The following CRTAC1 variants were observed in gnomAD, a reference collection of about 807,000 sequenced individuals.
CRTAC1 encodes the protein acidic secreted protein in cartilage.
In CRTAC1, 37 loss-of-function variants were observed where a neutral mutation model predicts 67.8. That is an observed-to-expected ratio of 0.55 (90% CI 0.42 to 0.72). CRTAC1 has a LOEUF of 0.72. Among genes scored for constraint, CRTAC1 ranks in the 30% least tolerant of loss-of-function variants. The pLI is 0.00. For missense variants in CRTAC1, 780 were observed against 931.6 expected (o/e 0.84, Z 2.12); for synonymous variants, 348 against 371.0 (o/e 0.94, Z 0.71).
rs71007374 is a variant in CRTAC1, at chr10:98,029,491, A to AGCGGCGGCGGCGGCGGCGGCG, written c.24+937_24+957dup. Among the ~76,000 whole-genome samples, 6,366 of 140,366 alleles carry AGCGGCGGCGGCGGCGGCGGCG rather than the reference A, an allele frequency of 0.045. 241 individuals are homozygous for AGCGGCGGCGGCGGCGGCGGCG. Among genetic ancestry groups the AGCGGCGGCGGCGGCGGCGGCG allele is most frequent in the Non-Finnish European group, 0.072 (4,681 of 65,414 alleles). The allele number at this position is 140,366 out of a possible 152,430, so 92.1% of individuals were successfully genotyped here. On this transcript the variant is annotated intron_variant, in intron 1 of 14. Coordinates refer to ENST00000370597, the MANE Select transcript of CRTAC1 (RefSeq NM_018058.7). This position sits in a 1 kb window ranked among gnomAD's most constrained non-coding sequence, Gnocchi z 4.7. ...ACTGGGTGCACCCACCAGCAGCAGC[A>AGCGGCGGCGGCGGCGGCGGCG]GCGGCGGCGGCGGCGGCGGCGGCGG...
At chr10:97,973,630 G>A (rs1179708046) in intron 2 of CRTAC1, among the ~76,000 whole-genome samples, 1 of 152,018 alleles carries the variant, frequency 6.6e-6, no homozygotes, top group African/African-American at 2.4e-5. Flanking sequence ...TCTAGGGAAC[G>A]CTTCCCAGCC....
At chr10:97,887,415 G>T (rs1475880587) in intron 11 of CRTAC1, among the ~76,000 whole-genome samples, 1 of 151,992 alleles carries the variant, frequency 6.6e-6, no homozygotes, top group East Asian at 1.9e-4. Flanking sequence ...GGCTAATTTT[G>T]TATTTTTAGT....
chr10:97,959,507 A>T (rs141755903), intron 2 of CRTAC1, among the ~76,000 whole-genome samples: 1 of 152,218 alleles, frequency 6.6e-6, no homozygotes, highest in Non-Finnish European at 1.5e-5. Flanking sequence ...TGGGCTGTAC[A>T]GGGCCTTGAG....
chr10:97,978,080 C>T (rs1219563850), intron 2 of CRTAC1, among the ~76,000 whole-genome samples: 1 of 152,204 alleles, frequency 6.6e-6, no homozygotes, highest in Non-Finnish European at 1.5e-5. Flanking sequence ...GAAATAATCA[C>T]CAGCCCCTCA....
In CRTAC1 at chr10:97,884,330, A is replaced by G; in HGVS notation, c.1508T>C (p.Val503Ala). ...FGLGKDEASSVEVTWPDGKMV... is the reference protein window; with the variant it reads ...FGLGKDEASSAEVTWPDGKMV... ...CTTGCCATCTGGCCACGTCACCTCC[A>G]CACTGCTGGCTTCATCCTTCCCTGA... is the stretch of plus-strand genomic sequence containing the variant. Residue 503 changes from valine (V) to alanine (A), a missense_variant, in exon 12 of 15, where the codon GTG becomes GCG. Transcript: ENST00000370597. 1 of 1,551,740 alleles carries G rather than the reference A, an allele frequency of 6.4e-7. No homozygotes were observed.
At chr10:97,866,452 G>A (rs2136522034) in intron 14 of CRTAC1, 1 of 152,360 alleles carries the variant, frequency 6.6e-6, no homozygotes. Context: ...AAGAGACATA[G>A]CCATGCGGGG....
At chr10:98,012,442 G>T (rs375825884) in intron 1 of CRTAC1, among the ~76,000 whole-genome samples, 1 of 152,178 alleles carries the variant, frequency 6.6e-6, no homozygotes, top group Non-Finnish European at 1.5e-5. Flanking sequence ...GTCCACAAAG[G>T]CTGCATGGGT....
intron 11 of CRTAC1, among the ~76,000 whole-genome samples, chr10:97,893,196 ATATT>A (rs1326572468): frequency 3.9e-5 from 6 of 152,238 alleles, no homozygotes; most frequent in Admixed American, 3.9e-4. Flanking sequence ...GAGAGTTACT[ATATT>A]AATCCAGCCA....
Position 97,900,765 on chromosome 10 carries a change from C to T in CRTAC1, c.1133+738G>A, listed in dbSNP as rs758083723. On this transcript the variant is annotated intron_variant, in intron 8 of 14. Coordinates refer to ENST00000370597, the MANE Select transcript of CRTAC1 (RefSeq NM_018058.7). ...CCTTTTCCTGGTAGTGATTGGAGCC[C>T]GTAGCCCCTTTTCCTGGTAGTGATT... Among the ~76,000 whole-genome samples, 665 of 72,376 alleles carry T rather than the reference C, an allele frequency of 9.2e-3. 1 individual carries two copies. The highest frequency in any genetic ancestry group is 0.027 in the Middle Eastern group (3 of 112). The allele number at this position is 72,376 out of a possible 152,430, so 47.5% of individuals were successfully genotyped here.
chr10:98,023,139 C>T (rs553995763), intron 1 of CRTAC1, among the ~76,000 whole-genome samples: 5 of 151,898 alleles, frequency 3.3e-5, no homozygotes, highest in African/African-American at 9.7e-5. Context: ...GGGAAGGGGG[C>T]GGGAAGGAGA....
At chr10:97,866,187 G>A (rs1317851649) in intron 14 of CRTAC1, 1 of 156,962 alleles carries the variant, frequency 6.4e-6, no homozygotes, top group East Asian at 1.9e-4. Flanking sequence ...GCCCCTGCAG[G>A]GCCCCGGCCT....
At chr10:97,944,020 G>C (rs927191666) in intron 2 of CRTAC1, among the ~76,000 whole-genome samples, 1 of 152,202 alleles carries the variant, frequency 6.6e-6, no homozygotes, top group Admixed American at 6.5e-5. Context: ...GGAATACATA[G>C]TTTCCTGAAG....
intron 1 of CRTAC1, among the ~76,000 whole-genome samples, chr10:98,017,430 C>T (rs1843021746): frequency 1.3e-5 from 2 of 152,072 alleles, no homozygotes; most frequent in Non-Finnish European, 2.9e-5. Flanking sequence ...GTGGGCTTCT[C>T]CTGCAGGGGA....
At chr10:97,984,385 A>T (rs954442880) in intron 2 of CRTAC1, among the ~76,000 whole-genome samples, 2 of 152,214 alleles carry the variant, frequency 1.3e-5, no homozygotes, top group Non-Finnish European at 2.9e-5. Flanking sequence ...TGTTCCAGAC[A>T]CTTTGGGGCC....
At chr10:98,007,275 T>C (rs746255927) in intron 2 of CRTAC1, among the ~76,000 whole-genome samples, 4 of 152,186 alleles carry the variant, frequency 2.6e-5, no homozygotes, top group Non-Finnish European at 5.9e-5. Flanking sequence ...GGTCTTATTG[T>C]AAGGCAAGGG....
chr10:97,885,934 GT>G (rs1213935856), intron 11 of CRTAC1, among the ~76,000 whole-genome samples: 1 of 152,226 alleles, frequency 6.6e-6, no homozygotes, highest in African/African-American at 2.4e-5. Flanking sequence ...TAAAATTGCT[GT>G]TGAATGTATA....
chr10:97,902,807 C>T (rs552574612), intron 7 of CRTAC1, among the ~76,000 whole-genome samples: 2 of 152,140 alleles, frequency 1.3e-5, no homozygotes, highest in Admixed American at 1.3e-4. Context: ...GCTGGGTCAG[C>T]GGTCGAGCTG....
chr10:98,030,613 G>A lies in CRTAC1; in HGVS notation c.-141C>T, dbSNP rs903333973. 2 of 449,698 alleles carry A rather than the reference G, an allele frequency of 4.4e-6. No homozygotes were observed. The highest frequency in any genetic ancestry group is 1.1e-4 in the South Asian group (1 of 9,072). 27.9% of individuals were successfully genotyped at this position (449,698 alleles called of 1,614,324 possible). On this transcript the variant is annotated 5_prime_UTR_variant, in exon 1 of 15. Coordinates refer to ENST00000370597, the MANE Select transcript of CRTAC1 (RefSeq NM_018058.7). The surrounding 1 kb of genome is among the most constrained non-coding windows in gnomAD (Gnocchi z 4.2). The stretch of plus-strand genomic sequence containing the variant: ...CCTCCCGCCCCGACGCCGCGCGCTC[G>A]CTTTATACAACTCCACTCGAGCGCG...
At chr10:97,878,448 G>T in intron 14 of CRTAC1, 1 of 365,432 alleles carries the variant, frequency 2.7e-6, no homozygotes. Context: ...AAATGGCAGG[G>T]GCTTTTTTTT....
Sources: allele counts gnomAD v4.1 joint callset (sites outside exome capture counted in the v4.1 genomes callset), GRCh38; gene constraint gnomAD v4.1.1; non-coding constraint Gnocchi (gnomAD v3.1); transcripts MANE v1.5; gene names NCBI Gene and HGNC (gene_info 2026-07-23, HGNC 2026-07-21).